The following EPHX4 variants were observed in gnomAD, a reference collection of about 807,000 sequenced individuals.
The protein encoded by EPHX4 is epoxide hydrolase 4.
Under a neutral mutation model 44.9 loss-of-function variants are expected in EPHX4, and 31 were observed. The ratio of observed to expected loss-of-function variants is 0.69; its 90% CI spans 0.52 to 0.93. The LOEUF (loss-of-function observed/expected upper bound fraction) is 0.93. EPHX4 is among the 40% of genes least tolerant of loss of function. The pLI, the probability that EPHX4 is intolerant of heterozygous loss-of-function variation, is 0.00. For missense variants in EPHX4, 373 were observed against 438.1 expected (o/e 0.85, Z 1.33); for synonymous variants, 151 against 159.7 (o/e 0.95, Z 0.41).
intron 6 of EPHX4, among the ~76,000 whole-genome samples, chr1:92,058,638 A>G (rs1349895935): frequency 1.3e-5 from 2 of 152,084 alleles, no homozygotes; most frequent in Non-Finnish European, 2.9e-5. Context: ...CTGAAGGGGT[A>G]TTTCTGGGAA....
intron 6 of EPHX4, among the ~76,000 whole-genome samples, chr1:92,061,491 A>G (rs1350317603): frequency 6.6e-6 from 1 of 152,220 alleles, no homozygotes; most frequent in Non-Finnish European, 1.5e-5. Flanking sequence ...AGAAGATGTC[A>G]AAAGCTTAAA....
chr1:92,061,031 CCATCA>C (rs980103627), intron 6 of EPHX4, among the ~76,000 whole-genome samples: 14 of 152,016 alleles, frequency 9.2e-5, no homozygotes, highest in Admixed American at 2.0e-4. Context: ...CAGGCGTAAG[CCATCA>C]CACCCGGCTA....
intron 6 of EPHX4, among the ~76,000 whole-genome samples, chr1:92,055,136 A>G (rs759682458): frequency 4.6e-5 from 7 of 152,206 alleles, no homozygotes; most frequent in Non-Finnish European, 8.8e-5. Context: ...AGGGAGAAAA[A>G]GAAGCAAAGC....
At chr1:92,047,962 G>A (rs1184993407) in intron 4 of EPHX4, among the ~76,000 whole-genome samples, 1 of 152,010 alleles carries the variant, frequency 6.6e-6, no homozygotes, top group African/African-American at 2.4e-5. Context: ...CCATGGCCGG[G>A]CACATTTTTA....
intron 1 of EPHX4, among the ~76,000 whole-genome samples, chr1:92,031,840 A>T (rs915086966): frequency 1.3e-5 from 2 of 152,030 alleles, no homozygotes; most frequent in Non-Finnish European, 2.9e-5. Context: ...TGTCTCCTAC[A>T]TGCAGAGTGA....
chr1:92,053,154 G>T (rs1647296266), intron 6 of EPHX4, among the ~76,000 whole-genome samples: 1 of 152,164 alleles, frequency 6.6e-6, no homozygotes, highest in Non-Finnish European at 1.5e-5. Context: ...TTGAAAGAAA[G>T]AGATGAGAAC....
At position 92,050,350 on chromosome 1, in the gene EPHX4, A is replaced by G. The variant is rs1298367479; in HGVS notation, c.638A>G (p.Lys213Arg). Reference protein sequence around the residue: ...YILRHPAQLLKSSYYYFFQIP... With the variant: ...YILRHPAQLLRSSYYYFFQIP... The stretch of plus-strand genomic sequence containing the variant: ...TTACGACACCCTGCTCAGCTGTTGA[A>G]ATCCAGTTATTATTACTTCTTCCAA... The change falls in exon 5 of 7, where the codon AAA (lysine) becomes AGA (arginine). Residue 213 changes from lysine (K) to arginine (R), a missense_variant. Physicochemically the swap from Lys to Arg is conservative, Grantham distance 26. Coordinates refer to ENST00000370383, the MANE Select transcript of EPHX4 (RefSeq NM_173567.5). 2.5e-6 allele frequency: 4 copies of G among 1,607,266 alleles called. No homozygotes were observed. The Admixed American group carries it at 6.8e-5, about 27-fold the overall frequency.
chr1:92,050,467 T>A, intron 5 of EPHX4, 47 bp downstream of exon 5: 1 of 1,026,984 alleles, frequency 9.7e-7, no homozygotes, highest in South Asian at 1.9e-5. Flanking sequence ...TTATTATTAA[T>A]GAAAAATATT....
intron 4 of EPHX4, among the ~76,000 whole-genome samples, chr1:92,049,974 C>G (rs1425261553): frequency 6.6e-6 from 1 of 151,730 alleles, no homozygotes; most frequent in Non-Finnish European, 1.5e-5. Flanking sequence ...TGGTGGGCAC[C>G]TGTAATCCTA....
At chr1:92,061,218 C>A (rs1647488465) in intron 6 of EPHX4, among the ~76,000 whole-genome samples, 1 of 152,092 alleles carries the variant, frequency 6.6e-6, no homozygotes, top group South Asian at 2.1e-4. Flanking sequence ...GTATAAAATA[C>A]ACTTTTCTAT....
At chr1:92,060,271 A>G (rs1204089252) in intron 6 of EPHX4, among the ~76,000 whole-genome samples, 1 of 151,574 alleles carries the variant, frequency 6.6e-6, no homozygotes, top group Non-Finnish European at 1.5e-5. Context: ...TTAATTAGTC[A>G]GCTGTTGTGG....
intron 6 of EPHX4, among the ~76,000 whole-genome samples, chr1:92,060,002 C>T (rs1647460599): frequency 7.0e-6 from 1 of 142,398 alleles, no homozygotes; most frequent in Non-Finnish European, 1.5e-5. Flanking sequence ...GTATGAGCCA[C>T]CCTGCCCCAC....
intron 6 of EPHX4, among the ~76,000 whole-genome samples, chr1:92,058,726 AT>A (rs1167474327): frequency 6.6e-6 from 1 of 152,086 alleles, no homozygotes; most frequent in Non-Finnish European, 1.5e-5. Flanking sequence ...TGCACTGGTT[AT>A]TTGCACCTGG....
intron 2 of EPHX4, among the ~76,000 whole-genome samples, chr1:92,040,081 T>A (rs1688488487): frequency 6.6e-6 from 1 of 152,164 alleles, no homozygotes; most frequent in Admixed American, 6.5e-5. Flanking sequence ...ATAAATATCC[T>A]AGTGATAGAT....
intron 2 of EPHX4, among the ~76,000 whole-genome samples, chr1:92,037,691 G>A (rs1688460041): frequency 6.6e-6 from 1 of 152,200 alleles, no homozygotes; most frequent in African/African-American, 2.4e-5. Flanking sequence ...GAGGAGGATA[G>A]TCTACATCTG....
At chr1:92,030,463 T>A in intron 1 of EPHX4, among the ~76,000 whole-genome samples, 153 bp downstream of exon 1, 1 of 140,492 alleles carries the variant, frequency 7.1e-6, no homozygotes, top group East Asian at 2.0e-4. Flanking sequence ...GTGTCGTGTG[T>A]GTGTGTGTGT....
chr1:92,045,145 G>A (rs188388613), intron 3 of EPHX4, among the ~76,000 whole-genome samples: 48 of 152,014 alleles, frequency 3.2e-4, no homozygotes, highest in Admixed American at 2.9e-3. Flanking sequence ...TTATTTTTTT[G>A]TAGAGACGGC....
At position 92,037,276 on chromosome 1, in the gene EPHX4, A is replaced by G. The variant is rs192567971; in HGVS notation, c.317+4686A>G. Among the ~76,000 whole-genome samples, 15 of 152,360 alleles carry G rather than the reference A, an allele frequency of 9.8e-5. No homozygotes were observed. In the East Asian group the frequency reaches 2.7e-3, roughly 27 times the overall value. On this transcript the variant is annotated intron_variant, in intron 2 of 6. Coordinates refer to ENST00000370383, the MANE Select transcript of EPHX4 (RefSeq NM_173567.5). ...AAACAGAAAAGCACCATGCAAATGT[A>G]ACATATTATCGCATTTATCATCATT...
At chr1:92,035,279 G>A (rs1015501316) in intron 2 of EPHX4, among the ~76,000 whole-genome samples, 6 of 152,178 alleles carry the variant, frequency 3.9e-5, no homozygotes, top group African/African-American at 1.4e-4. Context: ...TATGGAGTGC[G>A]TGGCATAATT....
Sources: gnomAD v4.1 joint callset for allele counts (sites outside exome capture counted in the v4.1 genomes callset) on GRCh38, gnomAD v4.1.1 for gene constraint, MANE v1.5 for transcripts, NCBI Gene and HGNC (gene_info 2026-07-23, HGNC 2026-07-21) for gene names.